The following STX12 variants were observed in gnomAD, a reference collection of about 807,000 sequenced individuals.
STX12 encodes the protein syntaxin-12.
A neutral mutation model predicts 42.2 loss-of-function variants in STX12; 17 were observed. That is an observed-to-expected ratio of 0.40 (90% confidence interval 0.28 to 0.60). STX12 has a LOEUF of 0.60. Ranked by LOEUF, STX12 falls within the 20% of genes least tolerant of loss-of-function variation. The probability of loss-of-function intolerance (pLI) is 0.39; values close to 1 mark genes in which losing one functional copy is unlikely to be tolerated. For synonymous variants in STX12, 108 were observed against 116.7 expected, an observed-to-expected ratio of 0.93 and a Z score of 0.48; for missense variants, 297 against 330.9, an observed-to-expected ratio of 0.90 and a Z score of 0.79.
chr1:27,818,016 C>T (rs2088954824), intron 7 of STX12, 93 bp downstream of exon 7: 2 of 1,076,332 alleles, frequency 1.9e-6, no homozygotes, highest in African/African-American at 1.6e-5. Flanking sequence ...GAGGCTGAAG[C>T]ACCATCTAGG....
chr1:27,815,208 C>T (rs531078967), intron 6 of STX12, among the ~76,000 whole-genome samples: 12 of 152,236 alleles, frequency 7.9e-5, no homozygotes, highest in Non-Finnish European at 1.0e-4. Context: ...CAATCCCCCA[C>T]GGATACCAAG....
chr1:27,783,036 C>G (rs1007578230), intron 1 of STX12, among the ~76,000 whole-genome samples: 7 of 152,122 alleles, frequency 4.6e-5, no homozygotes, highest in Admixed American at 4.6e-4. Context: ...AGCATTCGAT[C>G]CTGTCAAATG....
At chr1:27,817,430 C>T (rs2088951417) in intron 6 of STX12, among the ~76,000 whole-genome samples, 1 of 152,230 alleles carries the variant, frequency 6.6e-6, no homozygotes, top group East Asian at 1.9e-4. Context: ...TCCTTGCATT[C>T]CTCAGATAGC....
chr1:27,799,516 TC>T (rs1280534605), intron 3 of STX12, among the ~76,000 whole-genome samples: 2 of 144,738 alleles, frequency 1.4e-5, no homozygotes, highest in African/African-American at 5.7e-5. Flanking sequence ...AGAACCTGGC[TC>T]TTTTGCTCAG....
chr1:27,810,336 C>A, intron 5 of STX12, 47 bp downstream of exon 5: 1 of 1,524,200 alleles, frequency 6.6e-7, no homozygotes, highest in Non-Finnish European at 9.1e-7. Context: ...AGATGGGAAT[C>A]TATCTCGTTA....
chr1:27,801,506 C>T (rs2088828354), intron 3 of STX12, among the ~76,000 whole-genome samples, 172 bp from the exon 4 acceptor site: 1 of 151,746 alleles, frequency 6.6e-6, no homozygotes, highest in Non-Finnish European at 1.5e-5. Flanking sequence ...ATAGTATTAA[C>T]CAGGGACTTG....
intron 1 of STX12, 28 bp downstream of exon 1, chr1:27,773,453 G>A (rs1284167550): frequency 1.2e-6 from 2 of 1,605,594 alleles, no homozygotes; most frequent in Non-Finnish European, 1.7e-6. Context: ...GCTGGGGGGC[G>A]GGAGCTGTCC....
At chr1:27,793,699 A>T (rs2088765074) in intron 3 of STX12, 67 bp downstream of exon 3, 1 of 1,355,874 alleles carries the variant, frequency 7.4e-7, no homozygotes, top group South Asian at 1.2e-5. Context: ...CAGTGTGTAG[A>T]ACAAAAAAAA....
chr1:27,778,625 A>G (rs1228391377), intron 1 of STX12, among the ~76,000 whole-genome samples: 1 of 151,672 alleles, frequency 6.6e-6, no homozygotes, highest in Non-Finnish European at 1.5e-5. Context: ...GGGGAGGTGC[A>G]GGTTGCAGTA....
At chr1:27,799,487 TTG>T (rs1491565787) in intron 3 of STX12, among the ~76,000 whole-genome samples, 1 of 148,968 alleles carries the variant, frequency 6.7e-6, no homozygotes, top group African/African-American at 2.6e-5. Flanking sequence ...GTTTTTTTTT[TTG>T]TTTTTTTTTT....
intron 7 of STX12, among the ~76,000 whole-genome samples, chr1:27,819,198 G>T (rs2088965670): frequency 6.7e-6 from 1 of 148,668 alleles, no homozygotes; most frequent in South Asian, 2.2e-4. Context: ...GAACCCAGGA[G>T]TTGGAGGCTA....
intron 3 of STX12, among the ~76,000 whole-genome samples, chr1:27,798,372 C>T (rs1443916196): frequency 6.6e-6 from 1 of 151,600 alleles, no homozygotes; most frequent in Non-Finnish European, 1.5e-5. Context: ...TAGCCAGGCA[C>T]GGTGGCTCAT....
At chr1:27,779,202 C>T (rs952128763) in intron 1 of STX12, among the ~76,000 whole-genome samples, 1 of 152,098 alleles carries the variant, frequency 6.6e-6, no homozygotes, top group African/African-American at 2.4e-5. Context: ...TGGTCTTGCC[C>T]CATTCTAGTT....
At chr1:27,798,969 A>G (rs887897791) in intron 3 of STX12, among the ~76,000 whole-genome samples, 6 of 151,254 alleles carry the variant, frequency 4.0e-5, no homozygotes, top group Non-Finnish European at 7.4e-5. Context: ...AAAAAAAAAC[A>G]AAAACATAAT....
chr1:27,804,604 G>A (rs143217000), intron 4 of STX12, among the ~76,000 whole-genome samples: 2 of 151,984 alleles, frequency 1.3e-5, no homozygotes, highest in Admixed American at 6.6e-5. Context: ...AGGGTCAGGA[G>A]TTCAAGACCA....
At chr1:27,788,400 C>T (rs953881055) in intron 1 of STX12, among the ~76,000 whole-genome samples, 3 of 152,124 alleles carry the variant, frequency 2.0e-5, no homozygotes, top group Admixed American at 6.6e-5. Flanking sequence ...GGCAGGCTGG[C>T]GTTAGAGTGT....
intron 6 of STX12, among the ~76,000 whole-genome samples, chr1:27,816,922 AAAAG>A: frequency 6.7e-6 from 1 of 149,934 alleles, no homozygotes; most frequent in East Asian, 2.0e-4. Flanking sequence ...TCTCAAAAAA[AAAAG>A]AAAGAGAAAG....
chr1:27,796,395 T>C (rs2088785967), intron 3 of STX12, among the ~76,000 whole-genome samples: 1 of 152,202 alleles, frequency 6.6e-6, no homozygotes, highest in South Asian at 2.1e-4. Flanking sequence ...GTTCGTTTGT[T>C]TGAGACAGGG....
chr1:27,786,969 A>G (rs2088703123), intron 1 of STX12, among the ~76,000 whole-genome samples: 1 of 152,234 alleles, frequency 6.6e-6, no homozygotes, highest in South Asian at 2.1e-4. Context: ...TCTTAGCAGA[A>G]TGCAGTAATT....
Sources: allele counts gnomAD v4.1 joint callset (sites outside exome capture counted in the v4.1 genomes callset), GRCh38; gene constraint gnomAD v4.1.1; transcripts MANE v1.5; gene names NCBI Gene and HGNC (gene_info 2026-07-23, HGNC 2026-07-21).